The following SYNDIG1L variants were observed in gnomAD, a reference collection of about 807,000 sequenced individuals.
SYNDIG1L encodes the protein synapse differentiation inducing 1 like.
Under a neutral mutation model 20.1 loss-of-function variants are expected in SYNDIG1L, and 13 were observed. The observed-to-expected ratio is 0.65, with a 90% CI of 0.42 to 1.03. The LOEUF is 1.03. Ranked by LOEUF, SYNDIG1L falls within the 50% of genes least tolerant of loss-of-function variation. The probability of loss-of-function intolerance (pLI) is 0.00; values close to 1 mark genes in which losing one functional copy is unlikely to be tolerated. For synonymous variants in SYNDIG1L, 128 were observed against 129.3 expected, an observed-to-expected ratio of 0.99 and a Z score of 0.07; for missense variants, 294 against 305.1, an observed-to-expected ratio of 0.96 and a Z score of 0.27.
intron 1 of SYNDIG1L, among the ~76,000 whole-genome samples, chr14:74,417,326 C>T (rs1331515108): frequency 6.6e-6 from 1 of 152,180 alleles, no homozygotes; most frequent in Non-Finnish European, 1.5e-5. Context: ...GGGCTGACAC[C>T]TTGAGGAGGG....
chr14:74,430,003 C>A (rs1595202364), upstream of SYNDIG1L, among the ~76,000 whole-genome samples: 1 of 152,240 alleles, frequency 6.6e-6, no homozygotes, highest in East Asian at 1.9e-4. Flanking sequence ...GAAGCCATTT[C>A]TTTAGAAACA....
At chr14:74,424,796 G>A (rs1236638536) in intron 1 of SYNDIG1L, among the ~76,000 whole-genome samples, 2 of 152,158 alleles carry the variant, frequency 1.3e-5, no homozygotes, top group East Asian at 1.9e-4. Context: ...GAGATGTACA[G>A]GTGGCAAGCC....
At chr14:74,422,651 C>T (rs914366798) in intron 1 of SYNDIG1L, among the ~76,000 whole-genome samples, 1 of 83,118 alleles carries the variant, frequency 1.2e-5, no homozygotes, top group African/African-American at 4.6e-5. Flanking sequence ...TAATCTCTCT[C>T]TTCACACACA....
chr14:74,447,562 G>A, the SYNDIG1L span, among the ~76,000 whole-genome samples: 1 of 147,886 alleles, frequency 6.8e-6, no homozygotes, highest in African/African-American at 2.5e-5. Flanking sequence ...ACTCCAGTCT[G>A]GGCAAAAGAG....
chr14:74,433,621 G>T, the SYNDIG1L span, among the ~76,000 whole-genome samples: 1 of 152,174 alleles, frequency 6.6e-6, no homozygotes, highest in Non-Finnish European at 1.5e-5. Flanking sequence ...CTGAACTCAG[G>T]TGATCCGCCC....
At chr14:74,436,610 G>A in the SYNDIG1L span, among the ~76,000 whole-genome samples, 6,499 of 151,794 alleles carry the variant, frequency 0.043, 464 homozygotes, top group African/African-American at 0.15. Context: ...GCACTTTGGG[G>A]GGCCGAGGCG....
intron 1 of SYNDIG1L, among the ~76,000 whole-genome samples, chr14:74,420,328 G>A (rs531316904): frequency 1.9e-4 from 29 of 150,656 alleles, no homozygotes; most frequent in African/African-American, 5.9e-4. Flanking sequence ...CCTGGGAGGC[G>A]GAGGTTGCAG....
chr14:74,434,894 A>G, the SYNDIG1L span, among the ~76,000 whole-genome samples: 1 of 143,974 alleles, frequency 6.9e-6, no homozygotes, highest in African/African-American at 2.6e-5. Flanking sequence ...ATCCTGGCTA[A>G]TACAGTGAAA....
the SYNDIG1L span, among the ~76,000 whole-genome samples, chr14:74,447,691 G>T: frequency 6.6e-6 from 1 of 152,024 alleles, no homozygotes; most frequent in African/African-American, 2.4e-5. Context: ...AATTAAGCTG[G>T]CAAATTAAAG....
the SYNDIG1L span, among the ~76,000 whole-genome samples, chr14:74,449,172 G>T: frequency 1.0e-3 from 156 of 151,834 alleles, 3 homozygotes; most frequent in East Asian, 0.026. Context: ...GGTCAAGGCT[G>T]CAGGGAGTCA....
chr14:74,442,929 C>T, the SYNDIG1L span, among the ~76,000 whole-genome samples: 1 of 152,162 alleles, frequency 6.6e-6, no homozygotes, highest in Non-Finnish European at 1.5e-5. Context: ...CCCAGAGGAG[C>T]AGCAGGTATG....
the SYNDIG1L span, among the ~76,000 whole-genome samples, chr14:74,467,762 C>G: frequency 9.2e-5 from 14 of 152,198 alleles, no homozygotes; most frequent in South Asian, 2.7e-3. Context: ...GGGGTGTGAC[C>G]CAAACCCCCA....
At position 74,409,700 on chromosome 14, in the gene SYNDIG1L, G is replaced by T; in HGVS notation, c.45C>A (p.Ser15Arg). The change falls in exon 2 of 4, where the codon AGC (serine) becomes AGA (arginine). Residue 15 changes from serine (S) to arginine (R), a missense_variant. By Grantham distance (110) the Ser-to-Arg change is moderately radical (BLOSUM62 -1). Coordinates refer to ENST00000331628, the MANE Select transcript of SYNDIG1L (RefSeq NM_001105579.2). ...GATAGGGGCCATGGAGATGGGCAGG[G>T]CTCCTGGGCAGCAGCGGGTTCTGTA... ...SELQNPLLPR[S>R]PAHLHGPYPY... 6.8e-7 allele frequency: 1 copy of T among 1,471,528 alleles called. No homozygotes were observed. The highest frequency in any genetic ancestry group is 9.0e-7 in the Non-Finnish European group (1 of 1,110,498). The allele number at this position is 1,471,528 out of a possible 1,614,324, so 91.2% of individuals were successfully genotyped here. A position where few individuals can be genotyped will look rare whatever the true frequency, so the allele number is the denominator to read the frequency against.
chr14:74,409,243 T>A, intron 2 of SYNDIG1L, 85 bp downstream of exon 2: 5 of 1,083,766 alleles, frequency 4.6e-6, no homozygotes, highest in Non-Finnish European at 6.5e-6. Flanking sequence ...CACGCCAGGC[T>A]AATTTTCAAT....
At chr14:74,440,514 C>CAAAAAAAAAAAA in the SYNDIG1L span, among the ~76,000 whole-genome samples, 1 of 48,502 alleles carries the variant, frequency 2.1e-5, no homozygotes, top group African/African-American at 1.7e-4. Context: ...GACTCCGTCT[C>CAAAAAAAAAAAA]ATAAAAAAAA....
the SYNDIG1L span, among the ~76,000 whole-genome samples, chr14:74,431,248 T>C: frequency 6.6e-6 from 1 of 152,132 alleles, no homozygotes; most frequent in Admixed American, 6.6e-5. Flanking sequence ...TGTGTGTGTG[T>C]GTATATGTAA....
At chr14:74,447,295 T>C in the SYNDIG1L span, among the ~76,000 whole-genome samples, 176 of 152,258 alleles carry the variant, frequency 1.2e-3, no homozygotes, top group African/African-American at 4.1e-3. Context: ...TACATGTTTC[T>C]AGTAACATAG....
chr14:74,459,753 C>T, the SYNDIG1L span, among the ~76,000 whole-genome samples: 1 of 152,172 alleles, frequency 6.6e-6, no homozygotes, highest in Non-Finnish European at 1.5e-5. Context: ...CGCCACCAGC[C>T]ACCAGAGGCC....
At chr14:74,446,954 T>C in the SYNDIG1L span, among the ~76,000 whole-genome samples, 2 of 152,064 alleles carry the variant, frequency 1.3e-5, no homozygotes, top group Non-Finnish European at 2.9e-5. Context: ...AAACCTAAGA[T>C]ATGAGGCTGG....
Sources: allele counts gnomAD v4.1 joint callset (sites outside exome capture counted in the v4.1 genomes callset), GRCh38; gene constraint gnomAD v4.1.1; transcripts MANE v1.5; gene names NCBI Gene and HGNC (gene_info 2026-07-23, HGNC 2026-07-21).